The following FLNB variants were observed in gnomAD, a reference collection of about 807,000 sequenced individuals.
FLNB encodes filamin B.
In FLNB, 111 loss-of-function variants were observed where a neutral mutation model predicts 250.6. The observed-to-expected ratio is 0.44, with a 90% CI of 0.38 to 0.52. FLNB has a LOEUF of 0.52. Among genes scored for constraint, FLNB ranks in the 20% least tolerant of loss-of-function variants. The pLI, the probability that FLNB is intolerant of heterozygous loss-of-function variation, is 0.00. For missense variants in FLNB, 2,869 were observed against 3,447.8 expected, an observed-to-expected ratio of 0.83 and a Z score of 4.20; for synonymous variants, 1,302 against 1,372.1, an observed-to-expected ratio of 0.95 and a Z score of 1.13.
chr3:58,124,235 A>T, intron 21 of FLNB, 97 bp from the exon 22 acceptor site: 1 of 1,229,362 alleles, frequency 8.1e-7, no homozygotes, highest in Non-Finnish European at 1.2e-6. Context: ...CTGAAATTGG[A>T]CTTCATGTGT....
In FLNB at chr3:58,008,588, A is replaced by G. The variant is rs775915152; in HGVS notation, c.24A>G (p.Leu8=). 15 of 1,605,766 alleles carry G rather than the reference A, an allele frequency of 9.3e-6. No homozygotes were observed. Among genetic ancestry groups the G allele is most frequent in the Non-Finnish European group, 1.3e-5 (15 of 1,176,774 alleles). The change falls in exon 1 of 46, where the codon CTA becomes CTG. Residue 8 remains leucine (L), a synonymous_variant. Coordinates refer to ENST00000295956, the MANE Select transcript of FLNB (RefSeq NM_001457.4). Reference sequence around the variant, plus strand: ...GGATGCCGGTAACCGAGAAGGATCTAGCTGAGGACGCGCCTTGGAAGAAGA... The same window carrying G: ...GGATGCCGGTAACCGAGAAGGATCTGGCTGAGGACGCGCCTTGGAAGAAGA... MPVTEKD[L]AEDAPWKKIQ...
chr3:58,153,266 C>T (rs759276704), intron 38 of FLNB, 109 bp from the exon 39 acceptor site: 5 of 1,291,176 alleles, frequency 3.9e-6, no homozygotes, highest in Non-Finnish European at 5.6e-6. Flanking sequence ...ACCTCACGTC[C>T]ACCGGGCTGC....
rs189753072 is a variant in FLNB, at chr3:58,042,159, A to T, written c.292+33303A>T. 2.1e-4 allele frequency among the ~76,000 whole-genome samples: 32 copies of T among 152,220 alleles called. No homozygotes were observed. The East Asian group carries it at 6.0e-3, about 28-fold the overall frequency. On this transcript the variant is annotated intron_variant, in intron 1 of 45. Coordinates refer to ENST00000295956, the MANE Select transcript of FLNB (RefSeq NM_001457.4). ...AACAAGTCCTCTAGAATCCTGAACAATTGGTGATTCATGCTGGCCTGGTTT... is the reference window on the plus strand; with the variant it reads ...AACAAGTCCTCTAGAATCCTGAACATTTGGTGATTCATGCTGGCCTGGTTT...
chr3:58,163,532 G>A (rs929510869), intron 43 of FLNB: 6 of 597,338 alleles, frequency 1.0e-5, no homozygotes, highest in African/African-American at 5.6e-5. Context: ...GTGAGAGCTC[G>A]ATGGCCGTGT....
chr3:58,146,617 T>G, intron 33 of FLNB: 1 of 589,806 alleles, frequency 1.7e-6, no homozygotes, highest in East Asian at 3.0e-5. Flanking sequence ...AGAACTCAGA[T>G]GTTTGGGGTT....
chr3:58,109,407 C>A, intron 14 of FLNB, 85 bp downstream of exon 14: 1 of 1,584,370 alleles, frequency 6.3e-7, no homozygotes, highest in East Asian at 2.3e-5. Context: ...ACAGCCAAGG[C>A]AGACATATGG....
At chr3:58,119,341 G>A (rs935306510) in intron 19 of FLNB, among the ~76,000 whole-genome samples, 4 of 152,198 alleles carry the variant, frequency 2.6e-5, no homozygotes, top group Non-Finnish European at 5.9e-5. Flanking sequence ...ATTAAAAAGA[G>A]AATTTGGGCT....
Position 58,081,499 on chromosome 3 carries a change from T to A in FLNB, c.640-130T>A, listed in dbSNP as rs559107048. ...ATATTGGTGTGTTGGTTTAAAGTAATTTCACTTAATTGAGAAGCTGACTCA... is the reference window on the plus strand; with the variant it reads ...ATATTGGTGTGTTGGTTTAAAGTAAATTCACTTAATTGAGAAGCTGACTCA... On this transcript the variant is annotated intron_variant, in intron 3 of 45. Coordinates refer to ENST00000295956, the MANE Select transcript of FLNB (RefSeq NM_001457.4). 6.7e-5 allele frequency: 61 copies of A among 915,050 alleles called. No individual in the cohort carries two copies. In the South Asian group the frequency reaches 7.8e-4, roughly 12 times the overall value. 56.7% of individuals were successfully genotyped at this position (915,050 alleles called of 1,614,324 possible).
intron 36 of FLNB, 143 bp from the exon 37 acceptor site, chr3:58,149,707 T>C: frequency 9.7e-7 from 1 of 1,026,358 alleles, no homozygotes; most frequent in Admixed American, 2.0e-5. Flanking sequence ...CCCTCTGGGC[T>C]TTGCAAACGA....
intron 42 of FLNB, among the ~76,000 whole-genome samples, chr3:58,160,288 T>C (rs2097359322): frequency 1.3e-5 from 2 of 152,262 alleles, no homozygotes; most frequent in Non-Finnish European, 2.9e-5. Context: ...TCTGGGTCTC[T>C]AGGCCCTAAT....
chr3:58,088,330 G>A (rs1195256972), intron 4 of FLNB, among the ~76,000 whole-genome samples: 1 of 152,150 alleles, frequency 6.6e-6, no homozygotes, highest in Non-Finnish European at 1.5e-5. Context: ...TTACAGGTGT[G>A]AGCCACTGTG....
intron 42 of FLNB, among the ~76,000 whole-genome samples, chr3:58,161,910 G>A (rs1443960322): frequency 6.6e-6 from 1 of 152,148 alleles, no homozygotes; most frequent in Non-Finnish European, 1.5e-5. Flanking sequence ...TCTCCAGCAC[G>A]TCTGCCTTCC....
rs752318884 is a variant in FLNB, at chr3:58,078,738, C to G, written c.563C>G (p.Ser188Cys). Residue 188 changes from serine (S) to cysteine (C), a missense_variant, in exon 3 of 46, where the codon TCC becomes TGC. Ser to Cys is a moderately radical substitution (Grantham distance 112, BLOSUM62 -1). Around this residue, in one of 5 missense-constraint regions of FLNB, gnomAD observed 308 missense variants for 466.1 expected, o/e 0.66. Transcript: ENST00000295956. ...ACAGGTCTGTGCCCAGACTGGGAAT[C>G]CTGGGACCCGCAGAAGCCTGTGGAT... is the stretch of plus-strand genomic sequence containing the variant. ...CAPGLCPDWE[S>C]WDPQKPVDNA... 4 of 1,613,712 alleles carry G rather than the reference C, an allele frequency of 2.5e-6. No individual in the cohort carries two copies. Among genetic ancestry groups the G allele is most frequent in the Non-Finnish European group, 3.4e-6 (4 of 1,179,886 alleles).
chr3:58,098,522 C>T (rs557832146), intron 7 of FLNB, among the ~76,000 whole-genome samples, 189 bp from the exon 8 acceptor site: 22 of 152,158 alleles, frequency 1.4e-4, no homozygotes, highest in African/African-American at 4.6e-4. Flanking sequence ...TTAGTAGAGA[C>T]GGATTTCACC....
chr3:58,166,427 CA>C (rs71294708), intron 43 of FLNB, among the ~76,000 whole-genome samples: 24 of 147,398 alleles, frequency 1.6e-4, no homozygotes, highest in Admixed American at 2.7e-4. Context: ...CCATCTCTAC[CA>C]AAAAAAAAAA....
chr3:58,099,032 G>A, intron 8 of FLNB, 124 bp downstream of exon 8: 1 of 810,758 alleles, frequency 1.2e-6, no homozygotes. Context: ...TTTCTGCCAG[G>A]GCTACTTCAG....
intron 33 of FLNB, 176 bp from the exon 34 acceptor site, chr3:58,146,644 T>C: frequency 3.0e-6 from 2 of 659,198 alleles, no homozygotes; most frequent in South Asian, 1.8e-5. Context: ...CAGTGGGTGT[T>C]TTTACTGCGT....
At chr3:58,073,380 A>T (rs2097197416) in intron 1 of FLNB, among the ~76,000 whole-genome samples, 1 of 152,040 alleles carries the variant, frequency 6.6e-6, no homozygotes, top group Non-Finnish European at 1.5e-5. Flanking sequence ...AGCTCAGGAA[A>T]TGTCTGGTCC....
At chr3:58,033,146 G>A (rs2097133253) in intron 1 of FLNB, among the ~76,000 whole-genome samples, 1 of 152,124 alleles carries the variant, frequency 6.6e-6, no homozygotes, top group Admixed American at 6.6e-5. Context: ...AACACATTTT[G>A]ATTAGCTTAT....
Sources: allele counts gnomAD v4.1 joint callset (sites outside exome capture counted in the v4.1 genomes callset), GRCh38; gene constraint gnomAD v4.1.1; regional missense constraint gnomAD v4.1.1; transcripts MANE v1.5; gene names NCBI Gene and HGNC (gene_info 2026-07-23, HGNC 2026-07-21).